Variants in MERTK observed in about 807,000 individuals in gnomAD.
MERTK encodes tyrosine-protein kinase Mer.
In MERTK, 69 loss-of-function variants were observed where a neutral mutation model predicts 99.3. The ratio of observed to expected loss-of-function variants is 0.70; its 90% confidence interval spans 0.57 to 0.85. The LOEUF (loss-of-function observed/expected upper bound fraction) is 0.85. Ranked by LOEUF, MERTK falls within the 40% of genes least tolerant of loss-of-function variation. MERTK has a pLI of 0.00. For synonymous variants in MERTK, 426 were observed against 467.6 expected, an observed-to-expected ratio of 0.91 and a Z score of 1.15; for missense variants, 1,125 against 1,249.4, an observed-to-expected ratio of 0.90 and a Z score of 1.50.
chr2:112,019,141 T>C (rs370489524), intron 15 of MERTK, among the ~76,000 whole-genome samples: 2 of 152,286 alleles, frequency 1.3e-5, no homozygotes, highest in African/African-American at 4.8e-5. Context: ...TTTGACCTCA[T>C]ACCTTCTAAA....
At chr2:111,972,617 T>G (rs1443222619) in intron 6 of MERTK, among the ~76,000 whole-genome samples, 2 of 152,186 alleles carry the variant, frequency 1.3e-5, no homozygotes, top group Admixed American at 6.5e-5. Flanking sequence ...GTGCTGGATA[T>G]GATGATTCTG....
rs773100489 is a variant in MERTK, at chr2:111,945,065, G to A, written c.583+5G>A. The A allele has an allele frequency of 6.8e-6, 11 of 1,607,904 alleles. No individual in the cohort carries two copies. The Admixed American group carries it at 1.7e-4, about 24-fold the overall frequency. ...CCATCTACATCGAAGTACAAGGTAA[G>A]TCCACAGACCAGAGTCCCATTGCCA... On this transcript the variant is annotated splice_donor_5th_base_variant and intron_variant, in intron 3 of 18. Coordinates refer to ENST00000295408, the MANE Select transcript of MERTK (RefSeq NM_006343.3).
chr2:111,932,614 T>C (rs1462601723), intron 2 of MERTK, among the ~76,000 whole-genome samples: 7 of 152,168 alleles, frequency 4.6e-5, no homozygotes, highest in African/African-American at 1.7e-4. Flanking sequence ...TAAATTATAG[T>C]TGTAAGAGTT....
chr2:111,911,681 C>T (rs1402392494), intron 1 of MERTK, among the ~76,000 whole-genome samples: 3 of 139,730 alleles, frequency 2.1e-5, no homozygotes, highest in African/African-American at 5.3e-5. Flanking sequence ...TGAGCCATAG[C>T]GCCCAGCCTT....
intron 5 of MERTK, among the ~76,000 whole-genome samples, chr2:111,966,858 G>A (rs930377634): frequency 3.5e-4 from 54 of 152,216 alleles, no homozygotes; most frequent in Admixed American, 1.2e-3. Context: ...CCCAGGGCAC[G>A]CTTGATATGG....
intron 12 of MERTK, 42 bp from the exon 13 acceptor site, chr2:112,003,862 G>A (rs773880091): frequency 6.7e-7 from 1 of 1,494,130 alleles, no homozygotes; most frequent in Non-Finnish European, 9.3e-7. Flanking sequence ...GGTCAGGGAA[G>A]AGTTTGCACA....
intron 8 of MERTK, among the ~76,000 whole-genome samples, chr2:111,992,285 A>G (rs915704970): frequency 2.0e-5 from 3 of 152,126 alleles, no homozygotes; most frequent in Non-Finnish European, 2.9e-5. Context: ...CGCCTATCCA[A>G]TGGAGCCTCC....
At chr2:111,994,162 G>A in intron 8 of MERTK, 89 bp from the exon 9 acceptor site, 4 of 1,493,062 alleles carry the variant, frequency 2.7e-6, no homozygotes, top group East Asian at 4.5e-5. Context: ...ACGTGGGCGG[G>A]ATGGCTTCCC....
chr2:111,916,446 G>C (rs1293506686), intron 1 of MERTK, among the ~76,000 whole-genome samples: 1 of 151,844 alleles, frequency 6.6e-6, no homozygotes, highest in South Asian at 2.1e-4. Flanking sequence ...TTTGTTTTTA[G>C]TATACCGATT....
intron 3 of MERTK, 104 bp downstream of exon 3, chr2:111,945,164 A>G (rs1161615740): frequency 2.3e-6 from 2 of 870,762 alleles, no homozygotes; most frequent in Non-Finnish European, 3.7e-6. Context: ...GCCTATTTAT[A>G]ACTCTGTATG....
chr2:111,928,216 C>CTTT lies in MERTK; in HGVS notation c.62-879_62-877dup, dbSNP rs34872417. Reference sequence around the variant, plus strand: ...CTCATCTCTTTGTGGCCATGAGCAGCTTTTTTTTTTTTTTTTTTTTTTTTT... The same window carrying CTTT: ...CTCATCTCTTTGTGGCCATGAGCAGCTTTTTTTTTTTTTTTTTTTTTTTTTTTT... On this transcript the variant is annotated intron_variant, in intron 1 of 18. Transcript: ENST00000295408. Among the ~76,000 whole-genome samples, 14 of 84,868 alleles carry CTTT rather than the reference C, an allele frequency of 1.6e-4. No individual in the cohort carries two copies. The East Asian group carries it at 1.9e-3, about 12-fold the overall frequency. The allele number at this position is 84,868 out of a possible 152,430, so 55.7% of individuals were successfully genotyped here.
chr2:111,980,151 G>A (rs577416994), intron 7 of MERTK, among the ~76,000 whole-genome samples: 5 of 152,300 alleles, frequency 3.3e-5, no homozygotes, highest in Middle Eastern at 3.4e-3. Flanking sequence ...CCTGCTCCAG[G>A]AATTAAACGT....
chr2:111,904,127 AG>A (rs1684094350), intron 1 of MERTK, among the ~76,000 whole-genome samples: 1 of 152,150 alleles, frequency 6.6e-6, no homozygotes, highest in South Asian at 2.1e-4. Flanking sequence ...CCAGAGAAGC[AG>A]GGCCCGCCCT....
intron 1 of MERTK, among the ~76,000 whole-genome samples, chr2:111,911,874 A>C (rs909224285): frequency 6.6e-6 from 1 of 151,276 alleles, no homozygotes; most frequent in African/African-American, 2.4e-5. Context: ...TTTTTTGTAG[A>C]GATGAGGTTT....
chr2:111,994,725 G>C, intron 9 of MERTK: 1 of 382,732 alleles, frequency 2.6e-6, no homozygotes, highest in Non-Finnish European at 5.1e-6. Context: ...ATTGCAGTGA[G>C]TTATGATCAC....
At chr2:111,957,882 T>C (rs1322976706) in intron 4 of MERTK, among the ~76,000 whole-genome samples, 10 of 152,214 alleles carry the variant, frequency 6.6e-5, no homozygotes, top group Non-Finnish European at 1.2e-4. Flanking sequence ...ATTTGCGGGA[T>C]TGCTTAATCC....
intron 4 of MERTK, among the ~76,000 whole-genome samples, chr2:111,955,161 C>T (rs927906273): frequency 6.6e-6 from 1 of 152,080 alleles, no homozygotes; most frequent in Non-Finnish European, 1.5e-5. Flanking sequence ...TTTAAATAGC[C>T]GATTGTTTGG....
intron 4 of MERTK, among the ~76,000 whole-genome samples, chr2:111,951,771 C>T (rs1181820117): frequency 2.6e-5 from 4 of 151,826 alleles, no homozygotes; most frequent in Non-Finnish European, 1.5e-5. Context: ...TCCTTAATGG[C>T]TATGCCAATT....
rs1263918328 is a variant in MERTK at position 111,998,309 on chromosome 2, C to G, written c.1604+833C>G. Among the ~76,000 whole-genome samples the G allele has an allele frequency of 2.0e-5, 3 of 152,272 alleles. No individual in the cohort carries two copies. In the East Asian group the frequency reaches 5.8e-4, roughly 29 times the overall value. ...ATCTAAATCTTGAACATATAATTGACTAAAATACATCCCAGGATCTTGGTG... is the reference window on the plus strand; with the variant it reads ...ATCTAAATCTTGAACATATAATTGAGTAAAATACATCCCAGGATCTTGGTG... On this transcript the variant is annotated intron_variant, in intron 10 of 18. Coordinates refer to ENST00000295408, the MANE Select transcript of MERTK (RefSeq NM_006343.3).
Sources: gnomAD v4.1 joint callset for allele counts (sites outside exome capture counted in the v4.1 genomes callset) on GRCh38, gnomAD v4.1.1 for gene constraint, MANE v1.5 for transcripts, NCBI Gene and HGNC (gene_info 2026-07-23, HGNC 2026-07-21) for gene names.